The following MYO5B variants were observed in gnomAD, a reference collection of about 807,000 sequenced individuals.
The protein encoded by MYO5B is unconventional myosin-Vb.
In MYO5B, 143 loss-of-function variants were observed where a neutral mutation model predicts 229.3. The ratio of observed to expected loss-of-function variants is 0.62; its 90% confidence interval spans 0.54 to 0.72. The LOEUF is 0.72. Among genes scored for constraint, MYO5B ranks in the 30% least tolerant of loss-of-function variants. MYO5B has a pLI of 0.00. For synonymous variants in MYO5B, 918 were observed against 885.2 expected (o/e 1.04, Z -0.66); for missense variants, 2,321 against 2,331.0 (o/e 1.00, Z 0.09).
At chr18:49,953,030 G>A (rs1014425187) in intron 14 of MYO5B, among the ~76,000 whole-genome samples, 3 of 151,890 alleles carry the variant, frequency 2.0e-5, no homozygotes, top group Non-Finnish European at 1.5e-5. Context: ...TACACTCCTT[G>A]CTTTCTTCCC....
chr18:50,129,959 CG>C (rs1232725299), intron 1 of MYO5B, among the ~76,000 whole-genome samples: 1 of 152,046 alleles, frequency 6.6e-6, no homozygotes, highest in Non-Finnish European at 1.5e-5. Flanking sequence ...CAATGACCAC[CG>C]CCCCACCTCC....
chr18:50,124,994 G>A (rs2144537484), intron 1 of MYO5B, among the ~76,000 whole-genome samples: 1 of 152,106 alleles, frequency 6.6e-6, no homozygotes, highest in South Asian at 2.1e-4. Flanking sequence ...AGCTGGAGCA[G>A]AAGTCTTCAG....
intron 14 of MYO5B, among the ~76,000 whole-genome samples, chr18:49,938,194 G>C (rs1047859665): frequency 7.2e-5 from 11 of 152,136 alleles, no homozygotes; most frequent in African/African-American, 2.7e-4. Flanking sequence ...CCTGATACCT[G>C]TTTTCTCATC....
At chr18:50,111,629 G>A (rs1461244281) in intron 1 of MYO5B, among the ~76,000 whole-genome samples, 1 of 152,154 alleles carries the variant, frequency 6.6e-6, no homozygotes, top group Non-Finnish European at 1.5e-5. Context: ...AATGGTTATT[G>A]TTGCTTTTAT....
intron 1 of MYO5B, among the ~76,000 whole-genome samples, chr18:50,181,531 A>G (rs1053260223): frequency 2.0e-5 from 3 of 152,242 alleles, no homozygotes; most frequent in South Asian, 2.1e-4. Context: ...CAGAAAGCCT[A>G]TCTTCCAGAC....
chr18:50,122,172 G>A (rs138325996), intron 1 of MYO5B, among the ~76,000 whole-genome samples: 4 of 152,164 alleles, frequency 2.6e-5, no homozygotes, highest in African/African-American at 9.6e-5. Context: ...GCACAGATGA[G>A]GCATTTGCTC....
intron 2 of MYO5B, among the ~76,000 whole-genome samples, chr18:50,050,342 C>A (rs1443145866): frequency 6.6e-6 from 1 of 152,160 alleles, no homozygotes; most frequent in African/African-American, 2.4e-5. Context: ...AAGGGCTCTG[C>A]ATTCTCAAGG....
At chr18:50,085,834 A>C (rs2031317357) in intron 1 of MYO5B, among the ~76,000 whole-genome samples, 1 of 151,602 alleles carries the variant, frequency 6.6e-6, no homozygotes, top group Non-Finnish European at 1.5e-5. Flanking sequence ...CAAACACTAC[A>C]TGTTCTCACT....
intron 1 of MYO5B, among the ~76,000 whole-genome samples, chr18:50,095,035 G>A (rs1251262380): frequency 6.6e-6 from 1 of 151,984 alleles, no homozygotes; most frequent in Non-Finnish European, 1.5e-5. Flanking sequence ...TTGCCATGTT[G>A]GCCAGGCTGG....
intron 5 of MYO5B, among the ~76,000 whole-genome samples, chr18:49,997,127 C>T (rs982963104): frequency 2.0e-5 from 3 of 151,904 alleles, no homozygotes; most frequent in South Asian, 4.2e-4. Context: ...GGTAGCTGGT[C>T]ATGGTGGTGC....
At chr18:50,114,122 A>T (rs1228016278) in intron 1 of MYO5B, among the ~76,000 whole-genome samples, 1 of 152,220 alleles carries the variant, frequency 6.6e-6, no homozygotes, top group Non-Finnish European at 1.5e-5. Context: ...GTAAGGTAAT[A>T]AGCAGTTGCA....
intron 1 of MYO5B, among the ~76,000 whole-genome samples, chr18:50,151,054 C>G (rs537271027): frequency 2.9e-4 from 44 of 152,192 alleles, no homozygotes; most frequent in Non-Finnish European, 4.7e-4. Flanking sequence ...CTCTGTCCTC[C>G]TGGATGCCTA....
intron 33 of MYO5B, among the ~76,000 whole-genome samples, chr18:49,844,170 C>T (rs1294502788): frequency 1.3e-5 from 2 of 152,226 alleles, no homozygotes; most frequent in African/African-American, 2.4e-5. Flanking sequence ...CCCTTTCTTG[C>T]AAAAGGCCCT....
chr18:49,877,205 G>C (rs962042682), intron 25 of MYO5B, among the ~76,000 whole-genome samples: 1 of 152,072 alleles, frequency 6.6e-6, no homozygotes, highest in Non-Finnish European at 1.5e-5. Context: ...TTGTACCTTT[G>C]ACAAAATTAT....
At chr18:49,941,335 T>C (rs1463246538) in intron 14 of MYO5B, among the ~76,000 whole-genome samples, 1 of 152,190 alleles carries the variant, frequency 6.6e-6, no homozygotes, top group Non-Finnish European at 1.5e-5. Flanking sequence ...CCCAAGCCCA[T>C]TCTCACTGCT....
At position 50,140,721 on chromosome 18, in the gene MYO5B, G is replaced by A. The variant is rs78359549; in HGVS notation, c.27+54046C>T. Reference sequence around the variant, plus strand: ...GAAGGGGGTGCAAACCATTAGGGCCGACTGTCTAGTTATAACCACAGTCCA... The same window carrying A: ...GAAGGGGGTGCAAACCATTAGGGCCAACTGTCTAGTTATAACCACAGTCCA... On this transcript the variant is annotated intron_variant, in intron 1 of 39. Transcript: ENST00000285039. Among the ~76,000 whole-genome samples the A allele has an allele frequency of 3.8e-3, 583 of 152,254 alleles. 2 individuals are homozygous for A. Among genetic ancestry groups the A allele is most frequent in the African/African-American group, 0.012 (509 of 41,546 alleles).
chr18:49,970,250 C>T (rs534924710), intron 10 of MYO5B, among the ~76,000 whole-genome samples: 9 of 152,304 alleles, frequency 5.9e-5, no homozygotes, highest in African/African-American at 1.4e-4. Flanking sequence ...TTCACAGATC[C>T]TTGGTTAAGG....
intron 14 of MYO5B, among the ~76,000 whole-genome samples, chr18:49,939,519 T>A (rs766374337): frequency 1.3e-5 from 2 of 152,178 alleles, no homozygotes; most frequent in African/African-American, 2.4e-5. Flanking sequence ...AGAAACAACA[T>A]AGAATTTTAG....
At chr18:50,120,134 T>C (rs190954423) in intron 1 of MYO5B, among the ~76,000 whole-genome samples, 195 of 152,362 alleles carry the variant, frequency 1.3e-3, no homozygotes, top group African/African-American at 4.3e-3. Flanking sequence ...ATTTATGATA[T>C]AGACAGAAGG....
Sources: gnomAD v4.1 joint callset for allele counts (sites outside exome capture counted in the v4.1 genomes callset) on GRCh38, gnomAD v4.1.1 for gene constraint, MANE v1.5 for transcripts, NCBI Gene and HGNC (gene_info 2026-07-23, HGNC 2026-07-21) for gene names.